INPP4B: variants seen among roughly 807,000 people sequenced by gnomAD.
The protein encoded by INPP4B is inositol polyphosphate 4-phosphatase type II.
A neutral mutation model predicts 122.5 loss-of-function variants in INPP4B; 55 were observed. That is an observed-to-expected ratio of 0.45 (90% CI 0.36 to 0.56). The LOEUF (loss-of-function observed/expected upper bound fraction) is 0.56, where lower values mean the gene tolerates loss of function less well. Among genes scored for constraint, INPP4B ranks in the 20% least tolerant of loss-of-function variants. The probability of loss-of-function intolerance (pLI) is 0.00; values close to 1 mark genes in which losing one functional copy is unlikely to be tolerated. For missense variants in INPP4B, 1,000 were observed against 1,097.7 expected, an observed-to-expected ratio of 0.91 and a Z score of 1.26; for synonymous variants, 403 against 388.7, an observed-to-expected ratio of 1.04 and a Z score of -0.43.
At chr4:142,459,253 T>C (rs1008898707) in intron 3 of INPP4B, among the ~76,000 whole-genome samples, 5 of 128,586 alleles carry the variant, frequency 3.9e-5, no homozygotes, top group Non-Finnish European at 4.8e-5. Flanking sequence ...TTTTCACAGA[T>C]ACGGATCAAA....
chr4:142,162,608 T>C (rs1305300268), intron 16 of INPP4B, among the ~76,000 whole-genome samples: 2 of 151,914 alleles, frequency 1.3e-5, no homozygotes, highest in Non-Finnish European at 2.9e-5. Flanking sequence ...ATAATTGCCA[T>C]GTAGCTAAAT....
chr4:142,662,963 TC>T (rs1053700251), intron 2 of INPP4B, among the ~76,000 whole-genome samples: 63 of 152,284 alleles, frequency 4.1e-4, no homozygotes, highest in African/African-American at 1.5e-3. Context: ...ATCTCATTAG[TC>T]CAAAACATTT....
chr4:142,066,018 C>A (rs917059118), intron 25 of INPP4B, among the ~76,000 whole-genome samples: 1 of 151,962 alleles, frequency 6.6e-6, no homozygotes. Context: ...GCATTCCTTT[C>A]CCCCAAGAGT....
chr4:142,187,319 AT>A (rs1833583630), intron 15 of INPP4B, among the ~76,000 whole-genome samples: 1 of 152,104 alleles, frequency 6.6e-6, no homozygotes, highest in Non-Finnish European at 1.5e-5. Context: ...AAAGAAAAAA[AT>A]AAAGTATATT....
intron 2 of INPP4B, among the ~76,000 whole-genome samples, chr4:142,554,987 G>A (rs753868209): frequency 6.6e-6 from 1 of 152,138 alleles, no homozygotes; most frequent in Non-Finnish European, 1.5e-5. Flanking sequence ...CTGCATCCAT[G>A]CTGGGGTCCT....
chr4:142,464,176 T>C (rs138463343), intron 2 of INPP4B, among the ~76,000 whole-genome samples: 1 of 152,158 alleles, frequency 6.6e-6, no homozygotes, highest in African/African-American at 2.4e-5. Context: ...TAAAACAATT[T>C]ACTATTATAT....
intron 1 of INPP4B, among the ~76,000 whole-genome samples, chr4:142,830,847 C>T: frequency 1.2e-5 from 1 of 86,278 alleles, no homozygotes; most frequent in South Asian, 4.3e-4. Context: ...AACGCTGTCT[C>T]TACAAAAAAA....
At chr4:142,754,174 T>C (rs1770154514) in intron 1 of INPP4B, among the ~76,000 whole-genome samples, 3 of 152,180 alleles carry the variant, frequency 2.0e-5, no homozygotes, top group African/African-American at 4.8e-5. Flanking sequence ...AATTTCCTTT[T>C]ATACCTTTAA....
chr4:142,462,410 T>A (rs1191077131), intron 3 of INPP4B, among the ~76,000 whole-genome samples: 1 of 152,158 alleles, frequency 6.6e-6, no homozygotes, highest in Non-Finnish European at 1.5e-5. Context: ...GTAATAATAT[T>A]AATTTCTTAA....
At chr4:142,622,508 G>A (rs1745182462) in intron 2 of INPP4B, among the ~76,000 whole-genome samples, 1 of 151,934 alleles carries the variant, frequency 6.6e-6, no homozygotes, top group African/African-American at 2.4e-5. Flanking sequence ...TTGCACTTCA[G>A]TCCTTCTAAA....
intron 2 of INPP4B, among the ~76,000 whole-genome samples, chr4:142,586,577 A>G (rs1429816152): frequency 6.6e-6 from 1 of 152,200 alleles, no homozygotes; most frequent in Non-Finnish European, 1.5e-5. Context: ...ATTAACAAGC[A>G]CCTGCAACAC....
intron 1 of INPP4B, among the ~76,000 whole-genome samples, chr4:142,755,094 A>G (rs1362460267): frequency 6.6e-6 from 1 of 151,934 alleles, no homozygotes; most frequent in Non-Finnish European, 1.5e-5. Context: ...GACTGATCCC[A>G]TTTTCTTCTA....
chr4:142,532,204 C>A (rs1046126843), intron 2 of INPP4B, among the ~76,000 whole-genome samples: 1 of 152,172 alleles, frequency 6.6e-6, no homozygotes, highest in Non-Finnish European at 1.5e-5. Flanking sequence ...AATGAAAAAA[C>A]CACTTGAGGG....
At chr4:142,029,089 C>A in intron 25 of INPP4B, 175 bp from the exon 26 acceptor site, 1 of 1,363,802 alleles carries the variant, frequency 7.3e-7, no homozygotes, top group Non-Finnish European at 9.4e-7. Context: ...TAGGCCAGGC[C>A]CAATACCATT....
At chr4:142,550,223 T>C (rs1250026332) in intron 2 of INPP4B, among the ~76,000 whole-genome samples, 1 of 152,126 alleles carries the variant, frequency 6.6e-6, no homozygotes, top group Non-Finnish European at 1.5e-5. Flanking sequence ...CACTATGTGG[T>C]GGGCACAGGA....
intron 7 of INPP4B, among the ~76,000 whole-genome samples, chr4:142,361,589 G>A (rs1273203911): frequency 6.6e-6 from 1 of 151,924 alleles, no homozygotes; most frequent in African/African-American, 2.4e-5. Context: ...ATTGCTTAAA[G>A]AGGCTTTCTC....
At chr4:142,358,619 C>T (rs1257196960) in intron 7 of INPP4B, among the ~76,000 whole-genome samples, 1 of 138,644 alleles carries the variant, frequency 7.2e-6, no homozygotes, top group Non-Finnish European at 1.5e-5. Flanking sequence ...ATTAGAATAT[C>T]TGACAGTAGG....
At chr4:142,278,178 G>A (rs1044175973) in intron 9 of INPP4B, among the ~76,000 whole-genome samples, 5 of 151,888 alleles carry the variant, frequency 3.3e-5, no homozygotes, top group African/African-American at 4.8e-5. Flanking sequence ...AAACCTAAAC[G>A]GAACACAAGG....
chr4:142,844,850 A>G (rs1330267594), intron 1 of INPP4B, among the ~76,000 whole-genome samples: 4 of 152,218 alleles, frequency 2.6e-5, no homozygotes, highest in Non-Finnish European at 5.9e-5. Context: ...TTGTACACCT[A>G]TAAAAGAACT....
Sources: allele counts gnomAD v4.1 joint callset (sites outside exome capture counted in the v4.1 genomes callset), GRCh38; gene constraint gnomAD v4.1.1; transcripts MANE v1.5; gene names NCBI Gene and HGNC (gene_info 2026-07-23, HGNC 2026-07-21).